ABCA13: variants seen among roughly 807,000 people sequenced by gnomAD.
The protein encoded by ABCA13 is ATP binding cassette subfamily A member 13.
A neutral mutation model predicts 478.7 loss-of-function variants in ABCA13; 476 were observed. The observed-to-expected ratio is 0.99, with a 90% CI of 0.92 to 1.07. The LOEUF is 1.07. ABCA13 is among the 50% of genes least tolerant of loss of function. The pLI is 0.00. For missense variants in ABCA13, 6,060 were observed against 5,910.6 expected, an observed-to-expected ratio of 1.03 and a Z score of -0.83; for synonymous variants, 2,252 against 2,158.9, an observed-to-expected ratio of 1.04 and a Z score of -1.20.
intron 15 of ABCA13, among the ~76,000 whole-genome samples, chr7:48,253,481 A>G (rs1213580816): frequency 1.3e-5 from 2 of 152,170 alleles, no homozygotes; most frequent in African/African-American, 2.4e-5. Flanking sequence ...TGAGTGTGAC[A>G]TTTTCTTGCA....
intron 59 of ABCA13, among the ~76,000 whole-genome samples, chr7:48,616,356 T>C (rs1490643919): frequency 1.3e-5 from 2 of 152,144 alleles, no homozygotes; most frequent in African/African-American, 4.8e-5. Context: ...CTGGAAACTA[T>C]TCTCGGTATG....
At chr7:48,604,591 A>C (rs933831704) in intron 58 of ABCA13, among the ~76,000 whole-genome samples, 1 of 152,176 alleles carries the variant, frequency 6.6e-6, no homozygotes, top group Non-Finnish European at 1.5e-5. Context: ...CTGTGGTCTG[A>C]GAGACTGTTA....
intron 55 of ABCA13, among the ~76,000 whole-genome samples, chr7:48,551,873 C>T (rs1253469176): frequency 1.3e-5 from 2 of 151,814 alleles, no homozygotes; most frequent in Non-Finnish European, 2.9e-5. Context: ...TCTCACCAGA[C>T]TCTGGGCATT....
intron 3 of ABCA13, among the ~76,000 whole-genome samples, chr7:48,199,414 C>T (rs1798361397): frequency 6.6e-6 from 1 of 152,150 alleles, no homozygotes; most frequent in Non-Finnish European, 1.5e-5. Context: ...TGACACCTTC[C>T]AGCTGTGTTC....
At chr7:48,287,285 T>C (rs755052698) in intron 19 of ABCA13, among the ~76,000 whole-genome samples, 1 of 152,182 alleles carries the variant, frequency 6.6e-6, no homozygotes, top group Non-Finnish European at 1.5e-5. Context: ...CACAGATTCC[T>C]GTAATGGGGG....
At chr7:48,461,368 C>T (rs541339792) in intron 43 of ABCA13, among the ~76,000 whole-genome samples, 1 of 152,320 alleles carries the variant, frequency 6.6e-6, no homozygotes, top group African/African-American at 2.4e-5. Flanking sequence ...CTTTGCATGT[C>T]CAGTTGGATA....
chr7:48,424,272 A>G (rs1170273202), intron 41 of ABCA13, among the ~76,000 whole-genome samples: 2 of 152,216 alleles, frequency 1.3e-5, no homozygotes, highest in African/African-American at 2.4e-5. Context: ...GCATCTCCTC[A>G]TAATTGTTGA....
intron 39 of ABCA13, among the ~76,000 whole-genome samples, chr7:48,407,999 A>G (rs1818485195): frequency 6.6e-6 from 1 of 152,186 alleles, no homozygotes; most frequent in Non-Finnish European, 1.5e-5. Flanking sequence ...ATACCAAGGG[A>G]CAAATGTATG....
intron 7 of ABCA13, among the ~76,000 whole-genome samples, chr7:48,232,346 A>G (rs1032388351): frequency 1.3e-5 from 2 of 151,872 alleles, no homozygotes; most frequent in African/African-American, 4.8e-5. Context: ...TAGAAGCTCA[A>G]GTTTTTGTAC....
chr7:48,287,040 C>T (rs977234894), intron 19 of ABCA13, among the ~76,000 whole-genome samples: 11 of 152,100 alleles, frequency 7.2e-5, no homozygotes, highest in African/African-American at 2.2e-4. Flanking sequence ...ATTTATCGTG[C>T]GGTGGGAGGT....
intron 48 of ABCA13, among the ~76,000 whole-genome samples, chr7:48,502,946 G>A (rs1223688426): frequency 6.6e-6 from 1 of 152,110 alleles, no homozygotes; most frequent in Non-Finnish European, 1.5e-5. Flanking sequence ...TCATACTCCT[G>A]AAAATTTAAT....
chr7:48,620,504 C>G (rs1156380973), intron 59 of ABCA13, among the ~76,000 whole-genome samples: 1 of 152,042 alleles, frequency 6.6e-6, no homozygotes, highest in Non-Finnish European at 1.5e-5. Context: ...TAGCACCATC[C>G]CTGGCCTGTG....
chr7:48,563,731 C>G (rs1786702167), intron 55 of ABCA13, among the ~76,000 whole-genome samples: 1 of 151,924 alleles, frequency 6.6e-6, no homozygotes, highest in Non-Finnish European at 1.5e-5. Context: ...TCAAATCCCC[C>G]CACCCCAATC....
chr7:48,404,293 A>G (rs1817987263), intron 39 of ABCA13: 1 of 248,806 alleles, frequency 4.0e-6, no homozygotes, highest in African/African-American at 2.3e-5. Context: ...AGTTTCCTGA[A>G]CTGAGGGTGG....
chr7:48,288,856 T>G (rs79863668), intron 20 of ABCA13, among the ~76,000 whole-genome samples: 3,421 of 152,178 alleles, frequency 0.022, 133 homozygotes, highest in African/African-American at 0.078. Flanking sequence ...TGGGCCCCAC[T>G]CCTTTGTCCT....
intron 31 of ABCA13, among the ~76,000 whole-genome samples, chr7:48,353,151 G>A (rs1438151970): frequency 2.0e-5 from 3 of 151,736 alleles, no homozygotes; most frequent in African/African-American, 7.3e-5. Flanking sequence ...GAACCTGAGG[G>A]TGAGCTTGGA....
At chr7:48,301,313 G>T (rs897450229) in intron 23 of ABCA13, among the ~76,000 whole-genome samples, 1 of 152,100 alleles carries the variant, frequency 6.6e-6, no homozygotes, top group East Asian at 1.9e-4. Context: ...CTCACTTGGG[G>T]CCGGTCCTGG....
rs1465192678 is a variant in ABCA13, at chr7:48,244,593, A to G, written c.1280A>G (p.Lys427Arg). 2 of 1,613,296 alleles carry G rather than the reference A, an allele frequency of 1.2e-6. No homozygotes were observed. Among genetic ancestry groups the G allele is most frequent in the Non-Finnish European group, 1.7e-6 (2 of 1,179,612 alleles). The change falls in exon 11 of 62, where the codon AAA becomes AGA. Residue 427 changes from lysine (K) to arginine (R), a missense_variant. This residue lies in a region of ABCA13 where 4,423 missense variants were observed against 4,309.1 expected (regional missense o/e 1.03). Transcript: ENST00000435803. The stretch of plus-strand genomic sequence containing the variant: ...GCCCTCAGATTACAGCATCTGTGGA[A>G]ATTGCAAAGCTTGCTGCAAAACCTG... Reference protein sequence around the residue: ...TFPKILQHLWKLQSLLQNLPQ... With the variant: ...TFPKILQHLWRLQSLLQNLPQ...
chr7:48,499,629 C>G (rs993631646), intron 48 of ABCA13, among the ~76,000 whole-genome samples: 1 of 152,052 alleles, frequency 6.6e-6, no homozygotes, highest in African/African-American at 2.4e-5. Context: ...TGGGCCAATT[C>G]CTGGAAAGAA....
Sources: gnomAD v4.1 joint callset for allele counts (sites outside exome capture counted in the v4.1 genomes callset) on GRCh38, gnomAD v4.1.1 for gene constraint, gnomAD v4.1.1 regional missense constraint, MANE v1.5 for transcripts, NCBI Gene and HGNC (gene_info 2026-07-23, HGNC 2026-07-21) for gene names.